The following MRTFB variants were observed in gnomAD, a reference collection of about 807,000 sequenced individuals.
MRTFB encodes myocardin related transcription factor B.
Under a neutral mutation model 104.2 loss-of-function variants are expected in MRTFB, and 29 were observed. The ratio of observed to expected loss-of-function variants is 0.28; its 90% CI spans 0.21 to 0.38. The LOEUF (loss-of-function observed/expected upper bound fraction) is 0.38. Ranked by LOEUF, MRTFB falls within the 10% of genes least tolerant of loss-of-function variation. The pLI is 1.00. For missense variants in MRTFB, 1,270 were observed against 1,341.6 expected (o/e 0.95, Z 0.83); for synonymous variants, 535 against 519.5 (o/e 1.03, Z -0.41).
chr16:14,093,623 A>G (rs193051796), intron 2 of MRTFB, among the ~76,000 whole-genome samples: 14 of 152,334 alleles, frequency 9.2e-5, no homozygotes, highest in Admixed American at 3.9e-4. Flanking sequence ...TGAATTGCAG[A>G]TTAATGCTTG....
intron 8 of MRTFB, among the ~76,000 whole-genome samples, chr16:14,228,592 A>AAAAC (rs2042115757): frequency 6.6e-6 from 1 of 152,158 alleles, no homozygotes; most frequent in East Asian, 1.9e-4. Context: ...AAAAAAATAG[A>AAAAC]AAACAGAAGT....
intron 3 of MRTFB, among the ~76,000 whole-genome samples, chr16:14,166,291 C>T (rs542688429): frequency 7.0e-6 from 1 of 143,150 alleles, no homozygotes; most frequent in Non-Finnish European, 1.5e-5. Context: ...AAGAATTGTA[C>T]AATACATATC....
At chr16:14,255,912 A>G (rs184143112) in intron 15 of MRTFB, among the ~76,000 whole-genome samples, 28 of 152,272 alleles carry the variant, frequency 1.8e-4, no homozygotes, top group African/African-American at 6.7e-4. Flanking sequence ...TAGGAATTTA[A>G]GACCAGCCTG....
At chr16:14,013,343 C>G in the MRTFB span, 7 of 152,146 alleles carry the variant, frequency 4.6e-5, no homozygotes, top group African/African-American at 1.7e-4. Context: ...CTTTTAGAAT[C>G]TAACTTCTTA....
chr16:14,227,137 A>C (rs2042040230), intron 8 of MRTFB, among the ~76,000 whole-genome samples: 1 of 152,140 alleles, frequency 6.6e-6, no homozygotes, highest in Non-Finnish European at 1.5e-5. Flanking sequence ...CCTCATGTCA[A>C]AATTTGATCC....
the MRTFB span, among the ~76,000 whole-genome samples, chr16:14,016,997 C>A: frequency 6.6e-6 from 1 of 151,340 alleles, no homozygotes; most frequent in African/African-American, 2.4e-5. Context: ...GAGATGTAAT[C>A]ATATTCCTTT....
chr16:14,031,875 T>C, the MRTFB span, among the ~76,000 whole-genome samples: 1 of 152,164 alleles, frequency 6.6e-6, no homozygotes, highest in Admixed American at 6.5e-5. Context: ...TGGCATGATC[T>C]CGGCTCTCTG....
At chr16:14,212,828 G>A (rs912992166) in intron 5 of MRTFB, among the ~76,000 whole-genome samples, 8 of 152,148 alleles carry the variant, frequency 5.3e-5, no homozygotes, top group Non-Finnish European at 1.0e-4. Flanking sequence ...TTGACCAACG[G>A]TAGGGGAAGA....
the MRTFB span, among the ~76,000 whole-genome samples, chr16:14,017,711 A>ATATATTTT: frequency 4.5e-4 from 15 of 33,598 alleles, no homozygotes; most frequent in African/African-American, 2.0e-3. Flanking sequence ...ATATATATAT[A>ATATATTTT]TTTTTTTTTT....
chr16:14,217,314 G>C, intron 7 of MRTFB, 27 bp downstream of exon 7: 1 of 1,557,342 alleles, frequency 6.4e-7, no homozygotes, highest in Non-Finnish European at 8.7e-7. Flanking sequence ...TTACTATTTG[G>C]GGTGAGAAAG....
rs552159164 is a variant in MRTFB at position 14,159,929 on chromosome 16, CAAAAA to C, written c.154+19188_154+19192del. Among the ~76,000 whole-genome samples the C allele has an allele frequency of 2.5e-4, 14 of 55,626 alleles. 1 individual carries two copies. The highest frequency in any genetic ancestry group is 6.3e-4 in the African/African-American group (12 of 19,058). The allele number at this position is 55,626 out of a possible 152,430, so 36.5% of individuals were successfully genotyped here. A position where few individuals can be genotyped will look rare whatever the true frequency, so the allele number is the denominator to read the frequency against. On this transcript the variant is annotated intron_variant, in intron 3 of 16. Coordinates refer to ENST00000571589, the MANE Select transcript of MRTFB (RefSeq NM_001308142.2). Reference sequence around the variant, plus strand: ...TGGGCGACAGAGCGAGACTCCGTCTCAAAAAAAAAAAAAAAAAAAAAAAGAATCAT... The same window carrying C: ...TGGGCGACAGAGCGAGACTCCGTCTCAAAAAAAAAAAAAAAAAAGAATCAT...
the MRTFB span, among the ~76,000 whole-genome samples, chr16:14,041,057 C>T: frequency 6.6e-6 from 1 of 151,592 alleles, no homozygotes; most frequent in Admixed American, 6.6e-5. Flanking sequence ...CTTGTGAGCC[C>T]AGGAATTTGA....
the MRTFB span, among the ~76,000 whole-genome samples, chr16:14,030,849 T>C: frequency 6.6e-6 from 1 of 152,186 alleles, no homozygotes; most frequent in East Asian, 1.9e-4. Context: ...GGCATTGATC[T>C]ATCTGTAAAA....
chr16:14,108,044 C>T lies in MRTFB; in HGVS notation c.-64+28690C>T, dbSNP rs555402840. On this transcript the variant is annotated intron_variant, in intron 2 of 16. Coordinates refer to ENST00000571589, the MANE Select transcript of MRTFB (RefSeq NM_001308142.2). Reference sequence around the variant, plus strand: ...TTTCTGCAGTGGGTCCAGGCCACAGCAGTGGACTGTGGTTCTTCCAGGGTT... The same window carrying T: ...TTTCTGCAGTGGGTCCAGGCCACAGTAGTGGACTGTGGTTCTTCCAGGGTT... 2.6e-5 allele frequency among the ~76,000 whole-genome samples: 4 copies of T among 152,304 alleles called. No individual in the cohort carries two copies. In the South Asian group the frequency reaches 6.2e-4, roughly 24 times the overall value.
intron 3 of MRTFB, among the ~76,000 whole-genome samples, chr16:14,202,265 A>T (rs1195452540): frequency 1.3e-5 from 2 of 152,204 alleles, no homozygotes; most frequent in African/African-American, 4.8e-5. Flanking sequence ...TCTCCGAGCC[A>T]TAGAAATCTA....
At chr16:14,242,827 G>C (rs1391738093) in intron 10 of MRTFB, among the ~76,000 whole-genome samples, 1 of 151,860 alleles carries the variant, frequency 6.6e-6, no homozygotes, top group Admixed American at 6.6e-5. Context: ...ATACCAAACT[G>C]TTCATTTTAA....
intron 3 of MRTFB, among the ~76,000 whole-genome samples, chr16:14,149,888 G>A (rs975000281): frequency 5.3e-5 from 8 of 152,212 alleles, no homozygotes; most frequent in Non-Finnish European, 1.0e-4. Context: ...TGGCAGGAGC[G>A]TGCTCTGTTG....
intron 2 of MRTFB, among the ~76,000 whole-genome samples, chr16:14,100,966 T>C (rs970759271): frequency 6.6e-6 from 1 of 152,152 alleles, no homozygotes; most frequent in African/African-American, 2.4e-5. Context: ...TCAGTCCAAC[T>C]GGAGGTTTAT....
chr16:14,036,296 T>TTTTATATATATATATATATATATATATA, the MRTFB span, among the ~76,000 whole-genome samples: 29 of 98,310 alleles, frequency 2.9e-4, no homozygotes, highest in Non-Finnish European at 5.0e-4. Flanking sequence ...TTATATATAT[T>TTTTATATATATATATATATATATATATA]TATATATATA....
Sources: gnomAD v4.1 joint callset for allele counts (sites outside exome capture counted in the v4.1 genomes callset) on GRCh38, gnomAD v4.1.1 for gene constraint, MANE v1.5 for transcripts, NCBI Gene and HGNC (gene_info 2026-07-23, HGNC 2026-07-21) for gene names.